The following KDM4C variants were observed in gnomAD, a reference collection of about 807,000 sequenced individuals.
KDM4C encodes lysine-specific demethylase 4C.
A neutral mutation model predicts 129.3 loss-of-function variants in KDM4C; 81 were observed. The ratio of observed to expected loss-of-function variants is 0.63; its 90% CI spans 0.52 to 0.75. The LOEUF (loss-of-function observed/expected upper bound fraction) is 0.75. KDM4C is among the 30% of genes least tolerant of loss of function. The pLI, the probability that KDM4C is intolerant of heterozygous loss-of-function variation, is 0.00. For synonymous variants in KDM4C, 573 were observed against 456.1 expected, an observed-to-expected ratio of 1.26 and a Z score of -3.26; for missense variants, 1,457 against 1,304.0, an observed-to-expected ratio of 1.12 and a Z score of -1.81.
chr9:6,757,006 A>C (rs1462869731), upstream of KDM4C, among the ~76,000 whole-genome samples: 1 of 152,212 alleles, frequency 6.6e-6, no homozygotes, highest in South Asian at 2.1e-4. Flanking sequence ...AGAAAACGCC[A>C]CAAGGGACCC....
intron 15 of KDM4C, among the ~76,000 whole-genome samples, chr9:7,040,391 G>GTGTC (rs1828379220): frequency 6.9e-6 from 1 of 144,994 alleles, no homozygotes; most frequent in African/African-American, 2.6e-5. Context: ...GTGTGTGTGT[G>GTGTC]TGTGTGTGTG....
chr9:6,785,703 T>C lies in KDM4C; in HGVS notation c.-17-7269T>C, dbSNP rs115837154. ...CCGACCCTAATCAAATATGACCTCA[T>C]GTTAACTTGATTACATTTGCAAAAA... On this transcript the variant is annotated intron_variant, in intron 1 of 21. Coordinates refer to ENST00000381309, the MANE Select transcript of KDM4C (RefSeq NM_015061.6). Among the ~76,000 whole-genome samples the C allele has an allele frequency of 3.8e-3, 574 of 152,344 alleles. 6 individuals carry two copies. The highest frequency in any genetic ancestry group is 0.013 in the African/African-American group (544 of 41,596).
chr9:7,170,315 A>G (rs1844832886), intron 21 of KDM4C: 2 of 1,031,102 alleles, frequency 1.9e-6, no homozygotes, highest in Non-Finnish European at 2.3e-6. Flanking sequence ...TAGGTTTTTC[A>G]TGGATTGACT....
chr9:6,966,057 A>T (rs987749179), intron 8 of KDM4C, among the ~76,000 whole-genome samples: 2 of 152,250 alleles, frequency 1.3e-5, no homozygotes, highest in Non-Finnish European at 2.9e-5. Context: ...TTTATTAAAA[A>T]CTTTCAGAGT....
intron 12 of KDM4C, among the ~76,000 whole-genome samples, chr9:7,006,700 A>G (rs1446384803): frequency 1.3e-5 from 2 of 152,120 alleles, no homozygotes; most frequent in Admixed American, 6.5e-5. Flanking sequence ...GTTTTAACTC[A>G]TATTTCTTTT....
intron 17 of KDM4C, among the ~76,000 whole-genome samples, chr9:7,090,365 T>G (rs1024972827): frequency 6.6e-6 from 1 of 152,240 alleles, no homozygotes; most frequent in African/African-American, 2.4e-5. Context: ...TCTCCACAGC[T>G]TGTTATCAGC....
At chr9:6,835,543 T>G (rs1835728684) in intron 4 of KDM4C, 1 of 1,352,912 alleles carries the variant, frequency 7.4e-7, no homozygotes, top group Non-Finnish European at 1.1e-6. Flanking sequence ...GTATGATGAG[T>G]CCGGCTCCAT....
chr9:6,975,156 A>G (rs1832717066), intron 8 of KDM4C, among the ~76,000 whole-genome samples: 1 of 152,258 alleles, frequency 6.6e-6, no homozygotes, highest in South Asian at 2.1e-4. Flanking sequence ...ATCCTGGCAC[A>G]GTGAAGCCTG....
At chr9:6,855,416 G>A (rs538356158) in intron 5 of KDM4C, among the ~76,000 whole-genome samples, 95 of 129,986 alleles carry the variant, frequency 7.3e-4, no homozygotes, top group African/African-American at 2.6e-3. Context: ...CCGAGATTGC[G>A]TCACTGCACT....
chr9:6,829,921 A>G (rs1381595793), intron 4 of KDM4C, among the ~76,000 whole-genome samples: 1 of 152,252 alleles, frequency 6.6e-6, no homozygotes, highest in Non-Finnish European at 1.5e-5. Flanking sequence ...TGTAAGATAT[A>G]AAAGCCTGTG....
At chr9:6,860,291 A>G (rs1293080520) in intron 5 of KDM4C, among the ~76,000 whole-genome samples, 1 of 152,166 alleles carries the variant, frequency 6.6e-6, no homozygotes, top group African/African-American at 2.4e-5. Flanking sequence ...GTTACTTGGA[A>G]ACATTCTTGA....
At chr9:6,764,616 C>G (rs542952731) in intron 1 of KDM4C, among the ~76,000 whole-genome samples, 1 of 152,146 alleles carries the variant, frequency 6.6e-6, no homozygotes, top group African/African-American at 2.4e-5. Flanking sequence ...AACTGTTGCA[C>G]TGTATACTGT....
chr9:6,872,137 T>C (rs1195871774), intron 5 of KDM4C, among the ~76,000 whole-genome samples: 1 of 152,160 alleles, frequency 6.6e-6, no homozygotes, highest in Non-Finnish European at 1.5e-5. Context: ...AATGTTCATA[T>C]TTAAGAAGGT....
chr9:6,776,256 G>A (rs1412417366), intron 1 of KDM4C, among the ~76,000 whole-genome samples: 1 of 151,950 alleles, frequency 6.6e-6, no homozygotes, highest in Non-Finnish European at 1.5e-5. Flanking sequence ...ACCATGCCCC[G>A]CTCAACACAT....
chr9:6,990,797 T>C (rs559491230), intron 12 of KDM4C, among the ~76,000 whole-genome samples: 2 of 152,222 alleles, frequency 1.3e-5, no homozygotes, highest in Non-Finnish European at 2.9e-5. Flanking sequence ...TTTAGGGTTC[T>C]ACAGAAGAAG....
intron 15 of KDM4C, among the ~76,000 whole-genome samples, chr9:7,023,881 C>T (rs1431492272): frequency 6.6e-6 from 1 of 152,176 alleles, no homozygotes; most frequent in Non-Finnish European, 1.5e-5. Context: ...TTAGTTTCTA[C>T]ATGGACCCAC....
At chr9:7,117,962 G>A (rs1236970105) in intron 18 of KDM4C, among the ~76,000 whole-genome samples, 1 of 152,132 alleles carries the variant, frequency 6.6e-6, no homozygotes, top group Non-Finnish European at 1.5e-5. Flanking sequence ...TTTAGAATAC[G>A]TAGCAAGCAG....
chr9:6,873,000 C>G (rs1842993696), intron 5 of KDM4C, among the ~76,000 whole-genome samples: 1 of 152,114 alleles, frequency 6.6e-6, no homozygotes. Flanking sequence ...AATCTCGTCT[C>G]ATTGCAACCT....
chr9:6,944,788 G>A (rs1213768894), intron 8 of KDM4C, among the ~76,000 whole-genome samples: 1 of 150,390 alleles, frequency 6.6e-6, no homozygotes. Context: ...TCAAAGAAGA[G>A]TGGTTTTGGT....
Sources: allele counts gnomAD v4.1 joint callset (sites outside exome capture counted in the v4.1 genomes callset), GRCh38; gene constraint gnomAD v4.1.1; transcripts MANE v1.5; gene names NCBI Gene and HGNC (gene_info 2026-07-23, HGNC 2026-07-21).